The following CAST variants were observed in gnomAD, a reference collection of about 807,000 sequenced individuals.
The protein encoded by CAST is calpastatin, also known as MIR583 host.
In CAST, 76 loss-of-function variants were observed where a neutral mutation model predicts 119.6. The ratio of observed to expected loss-of-function variants is 0.64; its 90% CI spans 0.53 to 0.77. The LOEUF (loss-of-function observed/expected upper bound fraction) is 0.77, where lower values mean the gene tolerates loss of function less well. Ranked by LOEUF, CAST falls within the 30% of genes least tolerant of loss-of-function variation. The pLI, the probability that CAST is intolerant of heterozygous loss-of-function variation, is 0.00. For missense variants in CAST, 953 were observed against 946.5 expected (o/e 1.01, Z -0.09); for synonymous variants, 319 against 331.6 (o/e 0.96, Z 0.41).
the CAST span, among the ~76,000 whole-genome samples, chr5:96,003,233 C>T: frequency 4.0e-5 from 6 of 151,524 alleles, no homozygotes; most frequent in East Asian, 9.8e-4. Flanking sequence ...GAGCAAGATT[C>T]TGTCTCTTAA....
intron 1 of CAST, among the ~76,000 whole-genome samples, chr5:96,643,867 A>G (rs155048): frequency 0.62 from 94,033 of 151,760 alleles, 29,360 homozygotes; most frequent in East Asian, 0.79. Context: ...GCGAGACTTC[A>G]TCTCAAAAAA....
At chr5:96,025,470 T>TG in the CAST span, among the ~76,000 whole-genome samples, 4 of 151,968 alleles carry the variant, frequency 2.6e-5, no homozygotes, top group African/African-American at 4.8e-5. Context: ...TATATAAATT[T>TG]GGGGGGGACA....
chr5:96,210,971 C>T, the CAST span, among the ~76,000 whole-genome samples: 1 of 151,722 alleles, frequency 6.6e-6, no homozygotes, highest in Non-Finnish European at 1.5e-5. Context: ...TTTATGTGTT[C>T]ATTGCTAGTA....
chr5:96,516,777 A>G, the CAST span, among the ~76,000 whole-genome samples: 1 of 152,236 alleles, frequency 6.6e-6, no homozygotes, highest in African/African-American at 2.4e-5. Flanking sequence ...TTCTACTTCT[A>G]ACATGCATTT....
At chr5:96,421,924 A>G in the CAST span, 1 of 1,582,342 alleles carries the variant, frequency 6.3e-7, no homozygotes, top group Non-Finnish European at 8.7e-7. Context: ...GATCATGGTC[A>G]TTATCATTAA....
chr5:96,395,993 A>G, the CAST span, among the ~76,000 whole-genome samples: 1 of 152,198 alleles, frequency 6.6e-6, no homozygotes, highest in East Asian at 1.9e-4. Context: ...ACTTGACATG[A>G]AATAAATCCC....
At chr5:96,293,506 GA>G in the CAST span, among the ~76,000 whole-genome samples, 1 of 151,890 alleles carries the variant, frequency 6.6e-6, no homozygotes, top group Non-Finnish European at 1.5e-5. Flanking sequence ...TTGAACTCCT[GA>G]CCTTGTGATC....
At chr5:96,724,156 T>C (rs1194017226) in intron 4 of CAST, among the ~76,000 whole-genome samples, 2 of 152,136 alleles carry the variant, frequency 1.3e-5, no homozygotes, top group Non-Finnish European at 2.9e-5. Flanking sequence ...TATTTAATTA[T>C]GTTAAGCTTA....
chr5:96,577,896 A>G (rs958044982), intron 1 of CAST, among the ~76,000 whole-genome samples: 7 of 152,158 alleles, frequency 4.6e-5, no homozygotes, highest in African/African-American at 1.7e-4. Context: ...AAGTAATTGC[A>G]GTTTTTGCCA....
the CAST span, among the ~76,000 whole-genome samples, chr5:96,046,809 G>A: frequency 7.3e-3 from 1,114 of 152,302 alleles, 4 homozygotes; most frequent in African/African-American, 0.025. Flanking sequence ...GGTGGGAGGT[G>A]AAAGGCACTT....
chr5:96,355,247 T>G, the CAST span, among the ~76,000 whole-genome samples: 1 of 151,720 alleles, frequency 6.6e-6, no homozygotes, highest in African/African-American at 2.4e-5. Context: ...GTTCTCCTTG[T>G]TCAACTCCCA....
At chr5:96,492,503 C>A in the CAST span, among the ~76,000 whole-genome samples, 2 of 152,174 alleles carry the variant, frequency 1.3e-5, no homozygotes, top group Non-Finnish European at 2.9e-5. Flanking sequence ...TATGTTAGCC[C>A]CCTAAGAAAA....
At chr5:96,436,026 T>A in the CAST span, among the ~76,000 whole-genome samples, 1 of 152,182 alleles carries the variant, frequency 6.6e-6, no homozygotes, top group African/African-American at 2.4e-5. Flanking sequence ...AATAACAGAA[T>A]AATATTCCTA....
intron 1 of CAST, among the ~76,000 whole-genome samples, chr5:96,604,263 A>T: frequency 6.6e-6 from 1 of 152,338 alleles, no homozygotes; most frequent in South Asian, 2.1e-4. Context: ...ACACATGAAC[A>T]TACTCAGGAT....
At chr5:96,441,790 T>A in the CAST span, among the ~76,000 whole-genome samples, 1 of 152,156 alleles carries the variant, frequency 6.6e-6, no homozygotes, top group Non-Finnish European at 1.5e-5. Flanking sequence ...TATAATGTGA[T>A]TGCTACTCCA....
chr5:96,726,569 C>T (rs556859179), intron 4 of CAST, among the ~76,000 whole-genome samples: 3 of 152,120 alleles, frequency 2.0e-5, no homozygotes, highest in Admixed American at 1.3e-4. Context: ...TGGAAACCTT[C>T]GCTGAAAAAA....
At chr5:96,252,793 G>A in the CAST span, among the ~76,000 whole-genome samples, 19 of 152,126 alleles carry the variant, frequency 1.2e-4, no homozygotes, top group African/African-American at 4.1e-4. Context: ...CATCCCGGTT[G>A]ATTCATGCAT....
chr5:96,090,531 G>A, the CAST span, among the ~76,000 whole-genome samples: 1 of 151,980 alleles, frequency 6.6e-6, no homozygotes, highest in Non-Finnish European at 1.5e-5. Flanking sequence ...TTAGTTCAGG[G>A]GGACTAAACA....
the CAST span, among the ~76,000 whole-genome samples, chr5:96,403,347 G>A: frequency 6.6e-6 from 1 of 152,138 alleles, no homozygotes; most frequent in African/African-American, 2.4e-5. Flanking sequence ...CATGTGCCAT[G>A]TTGGTGTGCT....
Sources: allele counts gnomAD v4.1 joint callset (sites outside exome capture counted in the v4.1 genomes callset), GRCh38; gene constraint gnomAD v4.1.1; transcripts MANE v1.5; gene names NCBI Gene and HGNC (gene_info 2026-07-23, HGNC 2026-07-21).